The following INTS4 variants were observed in gnomAD, a reference collection of about 807,000 sequenced individuals.
INTS4 encodes integrator complex subunit 4, also known as MSTP093.
In INTS4, 70 loss-of-function variants were observed where a neutral mutation model predicts 119.5. The observed-to-expected ratio is 0.59, with a 90% CI of 0.48 to 0.71. The LOEUF is 0.71. Among genes scored for constraint, INTS4 ranks in the 30% least tolerant of loss-of-function variants. The pLI, the probability that INTS4 is intolerant of heterozygous loss-of-function variation, is 0.00. For missense variants in INTS4, 867 were observed against 1,173.2 expected, an observed-to-expected ratio of 0.74 and a Z score of 3.81; for synonymous variants, 316 against 419.6, an observed-to-expected ratio of 0.75 and a Z score of 3.02.
intron 8 of INTS4, 81 bp from the exon 9 acceptor site, chr11:77,941,332 T>C: frequency 6.6e-7 from 1 of 1,506,006 alleles, no homozygotes. Flanking sequence ...CTATAGACAA[T>C]TTAAGTGCAT....
intron 18 of INTS4, 95 bp from the exon 19 acceptor site, chr11:77,894,444 T>A: frequency 6.2e-6 from 4 of 645,280 alleles, no homozygotes; most frequent in East Asian, 2.9e-5. Flanking sequence ...TAAAGGAAAA[T>A]TAGCATATTA....
intron 1 of INTS4, 127 bp from the exon 2 acceptor site, chr11:77,991,426 A>C (rs932528806): frequency 1.3e-6 from 1 of 763,116 alleles, no homozygotes; most frequent in African/African-American, 1.7e-5. Context: ...ATACAGTATT[A>C]TAAACCAGAA....
chr11:77,938,571 A>T, intron 10 of INTS4, 80 bp downstream of exon 10: 1 of 1,525,078 alleles, frequency 6.6e-7, no homozygotes, highest in Non-Finnish European at 8.8e-7. Flanking sequence ...ATGAAACGAT[A>T]CATGTGTATC....
At chr11:77,956,165 T>C in intron 7 of INTS4, 103 bp from the exon 8 acceptor site, 2 of 1,386,868 alleles carry the variant, frequency 1.4e-6, no homozygotes, top group South Asian at 1.4e-5. Context: ...TCCCAACACT[T>C]TGGGAGGCCC....
intron 18 of INTS4, among the ~76,000 whole-genome samples, chr11:77,897,113 T>G (rs989966602): frequency 6.6e-6 from 1 of 151,670 alleles, no homozygotes; most frequent in African/African-American, 2.4e-5. Flanking sequence ...CATAGCAATA[T>G]GGAAATAATT....
intron 18 of INTS4, among the ~76,000 whole-genome samples, chr11:77,898,933 T>C (rs548374006): frequency 2.6e-5 from 4 of 152,130 alleles, no homozygotes; most frequent in Admixed American, 6.5e-5. Context: ...GGCATGAGAG[T>C]TGCTTGGACC....
chr11:77,963,714 C>T (rs1855355369), intron 4 of INTS4, among the ~76,000 whole-genome samples: 1 of 151,890 alleles, frequency 6.6e-6, no homozygotes, highest in Admixed American at 6.6e-5. Context: ...ATAAGGGTCT[C>T]GCTCTGTCAC....
intron 10 of INTS4, among the ~76,000 whole-genome samples, chr11:77,930,703 G>A (rs372052311): frequency 1.4e-4 from 21 of 152,170 alleles, no homozygotes; most frequent in East Asian, 1.2e-3. Flanking sequence ...AAGATATGTC[G>A]GCCAGGTATG....
intron 18 of INTS4, among the ~76,000 whole-genome samples, chr11:77,898,352 T>C (rs2136427144): frequency 6.6e-6 from 1 of 152,092 alleles, no homozygotes. Context: ...TTAGTAGAGA[T>C]GGGGTTTCAC....
chr11:77,874,999 G>C (rs936629760), downstream of INTS4, among the ~76,000 whole-genome samples: 1 of 150,012 alleles, frequency 6.7e-6, no homozygotes, highest in South Asian at 2.1e-4. Flanking sequence ...GTGAGATCGT[G>C]CCACTGCACT....
At chr11:77,961,644 C>A (rs1954479848) in intron 4 of INTS4, among the ~76,000 whole-genome samples, 1 of 152,142 alleles carries the variant, frequency 6.6e-6, no homozygotes, top group Admixed American at 6.6e-5. Flanking sequence ...CAGCAACAAC[C>A]TCACCACATC....
chr11:77,921,327 G>A lies in INTS4; in HGVS notation c.1764+13C>T, dbSNP rs1953356352. 1.2e-6 allele frequency: 2 copies of A among 1,611,012 alleles called. No individual in the cohort carries two copies. The highest frequency in any genetic ancestry group is 1.7e-5 in the Admixed American group (1 of 59,532). On this transcript the variant is annotated intron_variant, in intron 14 of 22. Coordinates refer to ENST00000534064, the MANE Select transcript of INTS4 (RefSeq NM_033547.4). Reference sequence around the variant, plus strand: ...CAAAATAAAAACAAGGACAACAGATGTTTTCAACATACCCTCAAGGCAGGA... The same window carrying A: ...CAAAATAAAAACAAGGACAACAGATATTTTCAACATACCCTCAAGGCAGGA...
intron 15 of INTS4, chr11:77,918,365 T>C (rs2136473075): frequency 2.5e-6 from 1 of 394,612 alleles, no homozygotes; most frequent in Non-Finnish European, 4.6e-6. Context: ...TGCAGTGAGC[T>C]GATATTATGC....
chr11:77,955,621 G>T (rs954962489), intron 8 of INTS4, among the ~76,000 whole-genome samples: 1 of 151,384 alleles, frequency 6.6e-6, no homozygotes, highest in Non-Finnish European at 1.5e-5. Context: ...TCAGCCTCCC[G>T]AGTAGCTGGG....
chr11:77,892,686 A>G (rs1952327483), intron 19 of INTS4, among the ~76,000 whole-genome samples: 2 of 151,860 alleles, frequency 1.3e-5, no homozygotes, highest in Admixed American at 6.6e-5. Flanking sequence ...GGGTTCAAGC[A>G]ATTCTCCTGC....
At chr11:77,988,018 C>T (rs1056599517) in intron 2 of INTS4, among the ~76,000 whole-genome samples, 3 of 115,666 alleles carry the variant, frequency 2.6e-5, no homozygotes, top group African/African-American at 8.0e-5. Context: ...TAGCCAGTCT[C>T]ATAACCCAGT....
At chr11:77,887,243 C>T (rs1357874922) in intron 21 of INTS4, among the ~76,000 whole-genome samples, 1 of 152,178 alleles carries the variant, frequency 6.6e-6, no homozygotes, top group Non-Finnish European at 1.5e-5. Flanking sequence ...TGGGCTTCAT[C>T]CCTGGGATGC....
At chr11:77,905,458 C>CA (rs1413115767) in intron 16 of INTS4, among the ~76,000 whole-genome samples, 1,421 of 116,250 alleles carry the variant, frequency 0.012, 12 homozygotes, top group African/African-American at 0.038. Flanking sequence ...GACTCTGTCT[C>CA]AAAAAAAAAA....
At chr11:77,956,297 G>A (rs1954319178) in intron 7 of INTS4, among the ~76,000 whole-genome samples, 1 of 152,194 alleles carries the variant, frequency 6.6e-6, no homozygotes, top group African/African-American at 2.4e-5. Flanking sequence ...GATAGTCCCA[G>A]CTACTTGGGA....
Sources: gnomAD v4.1 joint callset for allele counts (sites outside exome capture counted in the v4.1 genomes callset) on GRCh38, gnomAD v4.1.1 for gene constraint, MANE v1.5 for transcripts, NCBI Gene and HGNC (gene_info 2026-07-23, HGNC 2026-07-21) for gene names.